HPSE2: variants seen among roughly 807,000 people sequenced by gnomAD.
HPSE2 encodes the protein inactive heparanase-2.
In HPSE2, 38 loss-of-function variants were observed where a neutral mutation model predicts 60.5. The ratio of observed to expected loss-of-function variants is 0.63; its 90% CI spans 0.48 to 0.82. HPSE2 has a LOEUF of 0.82. Ranked by LOEUF, HPSE2 falls within the 40% of genes least tolerant of loss-of-function variation. HPSE2 has a pLI of 0.00. For missense variants in HPSE2, 713 were observed against 740.4 expected (o/e 0.96, Z 0.43); for synonymous variants, 295 against 293.2 (o/e 1.01, Z -0.06).
intron 3 of HPSE2, among the ~76,000 whole-genome samples, chr10:99,094,544 T>A (rs12356359): frequency 0.013 from 242 of 18,804 alleles, no homozygotes; most frequent in East Asian, 0.022. Flanking sequence ...ATATATATTT[T>A]TTTTTTTTTT....
the HPSE2 span, among the ~76,000 whole-genome samples, chr10:99,274,771 C>T: frequency 2.6e-5 from 4 of 152,208 alleles, no homozygotes; most frequent in Non-Finnish European, 4.4e-5. Context: ...GATGGTACTG[C>T]AGCTGTCTGA....
At chr10:98,622,213 T>TA (rs1017785592) in intron 7 of HPSE2, among the ~76,000 whole-genome samples, 18 of 151,222 alleles carry the variant, frequency 1.2e-4, no homozygotes, top group East Asian at 3.9e-4. Context: ...AGTGTTAAAT[T>TA]AAAAAAAAAC....
the HPSE2 span, among the ~76,000 whole-genome samples, chr10:99,295,275 A>C: frequency 1.3e-5 from 2 of 152,322 alleles, no homozygotes; most frequent in African/African-American, 4.8e-5. Flanking sequence ...AAAGTCATAC[A>C]GATAAAAGGT....
At chr10:98,923,238 A>G (rs1198305792) in intron 3 of HPSE2, among the ~76,000 whole-genome samples, 3 of 152,172 alleles carry the variant, frequency 2.0e-5, no homozygotes, top group Non-Finnish European at 4.4e-5. Context: ...CTGACCTGTA[A>G]GGTTTGCACT....
chr10:98,863,129 T>C (rs943940528), intron 3 of HPSE2, among the ~76,000 whole-genome samples: 7 of 152,016 alleles, frequency 4.6e-5, no homozygotes, highest in Non-Finnish European at 8.8e-5. Context: ...ATGTCAGTAG[T>C]TGAAAAGAGA....
intron 2 of HPSE2, among the ~76,000 whole-genome samples, chr10:99,174,058 C>T (rs969519698): frequency 1.3e-5 from 2 of 150,694 alleles, no homozygotes; most frequent in African/African-American, 4.9e-5. Flanking sequence ...TCACAAATAA[C>T]ACCCTGAAAT....
In HPSE2 at chr10:98,933,984, G is replaced by A. The variant is rs1216087137; in HGVS notation, c.611-189928C>T. On this transcript the variant is annotated intron_variant, in intron 3 of 11. Transcript: ENST00000370552. ...CCTGACCTTGTGATCTGCCCACCTC[G>A]GCCTCCCAAAGTGCTGAGATTACAG... Among the ~76,000 whole-genome samples, 6 of 143,162 alleles carry A rather than the reference G, an allele frequency of 4.2e-5. 1 individual carries two copies. Among genetic ancestry groups the A allele is most frequent in the South Asian group, 2.1e-4 (1 of 4,726 alleles). The allele number at this position is 143,162 out of a possible 152,430, so 93.9% of individuals were successfully genotyped here. A position where few individuals can be genotyped will look rare whatever the true frequency, so the allele number is the denominator to read the frequency against.
At chr10:98,958,779 G>A (rs538563549) in intron 3 of HPSE2, among the ~76,000 whole-genome samples, 1 of 152,188 alleles carries the variant, frequency 6.6e-6, no homozygotes, top group Non-Finnish European at 1.5e-5. Context: ...AATGAAAAAT[G>A]TAAACTTAAG....
At chr10:98,605,455 A>G (rs1032315376) in intron 9 of HPSE2, among the ~76,000 whole-genome samples, 1 of 152,204 alleles carries the variant, frequency 6.6e-6, no homozygotes, top group Non-Finnish European at 1.5e-5. Flanking sequence ...ATTAAAAAGA[A>G]TTATCAGTGA....
chr10:98,679,755 T>C lies in HPSE2; in HGVS notation c.1004+14145A>G, dbSNP rs1400284768. 3.9e-5 allele frequency among the ~76,000 whole-genome samples: 6 copies of C among 152,148 alleles called. No individual in the cohort carries two copies. The East Asian group carries it at 9.6e-4, about 24-fold the overall frequency. On this transcript the variant is annotated intron_variant, in intron 6 of 11. Coordinates refer to ENST00000370552, the MANE Select transcript of HPSE2 (RefSeq NM_021828.5). ...CCCAGGATGGAGTGCAGTGGTGTGATCATAGCTCACTATATAACCTCCAAC... is the reference window on the plus strand; with the variant it reads ...CCCAGGATGGAGTGCAGTGGTGTGACCATAGCTCACTATATAACCTCCAAC...
intron 3 of HPSE2, among the ~76,000 whole-genome samples, chr10:98,851,270 G>C (rs1285520610): frequency 6.6e-6 from 1 of 152,234 alleles, no homozygotes; most frequent in Non-Finnish European, 1.5e-5. Flanking sequence ...AAGGAGGCTA[G>C]CTGAGCAGAG....
At chr10:98,866,997 C>A (rs907464276) in intron 3 of HPSE2, among the ~76,000 whole-genome samples, 3 of 152,188 alleles carry the variant, frequency 2.0e-5, no homozygotes, top group Admixed American at 1.3e-4. Flanking sequence ...ATGGTTTGAG[C>A]AACCAGACAA....
chr10:99,264,426 C>T, the HPSE2 span, among the ~76,000 whole-genome samples: 30 of 152,104 alleles, frequency 2.0e-4, no homozygotes, highest in Admixed American at 6.5e-5. Flanking sequence ...CGAACAATTG[C>T]TGGCTTTGCA....
At chr10:99,280,464 T>A in the HPSE2 span, among the ~76,000 whole-genome samples, 1 of 152,310 alleles carries the variant, frequency 6.6e-6, no homozygotes, top group African/African-American at 2.4e-5. Context: ...TTTAGATTCA[T>A]ATGCATTCCC....
chr10:98,656,761 G>GT lies in HPSE2; in HGVS notation c.1005-14822dup, dbSNP rs1395202438. Among the ~76,000 whole-genome samples, 1,197 of 138,750 alleles carry GT rather than the reference G, an allele frequency of 8.6e-3. 21 individuals carry two copies. Among genetic ancestry groups the GT allele is most frequent in the African/African-American group, 0.021 (779 of 37,772 alleles). 91.0% of individuals were successfully genotyped at this position (138,750 alleles called of 152,430 possible). ...ACAAGAGAATAGAATCAGCTGATAG[G>GT]TTTTTTTTTTTTTTTTTGGGATGGA... On this transcript the variant is annotated intron_variant, in intron 6 of 11. Transcript: ENST00000370552.
At chr10:98,837,456 C>T (rs576032198) in intron 3 of HPSE2, among the ~76,000 whole-genome samples, 1 of 152,246 alleles carries the variant, frequency 6.6e-6, no homozygotes, top group South Asian at 2.1e-4. Context: ...TAATTTCACC[C>T]CTTGGAACTA....
intron 9 of HPSE2, among the ~76,000 whole-genome samples, chr10:98,577,341 C>T (rs2133912277): frequency 6.6e-6 from 1 of 152,260 alleles, no homozygotes; most frequent in African/African-American, 2.4e-5. Context: ...TCAGATTGCA[C>T]AAATTTTCAA....
At chr10:98,788,790 G>A (rs1222632345) in intron 3 of HPSE2, among the ~76,000 whole-genome samples, 2 of 151,126 alleles carry the variant, frequency 1.3e-5, no homozygotes, top group South Asian at 2.1e-4. Flanking sequence ...GCAATGCCTC[G>A]CCCTGCTTCG....
At chr10:99,158,149 TTGG>T (rs1461793452) in intron 2 of HPSE2, among the ~76,000 whole-genome samples, 2 of 60,290 alleles carry the variant, frequency 3.3e-5, no homozygotes, top group African/African-American at 8.6e-5. Flanking sequence ...TTTTACACTG[TTGG>T]TGGGACTGTA....
Sources: gnomAD v4.1 joint callset for allele counts (sites outside exome capture counted in the v4.1 genomes callset) on GRCh38, gnomAD v4.1.1 for gene constraint, MANE v1.5 for transcripts, NCBI Gene and HGNC (gene_info 2026-07-23, HGNC 2026-07-21) for gene names.